UGT1A9: variants seen among roughly 807,000 people sequenced by gnomAD.
UGT1A9 encodes the protein UDP glucuronosyltransferase family 1 member A9.
A neutral mutation model predicts 45.0 loss-of-function variants in UGT1A9; 35 were observed. That is an observed-to-expected ratio of 0.78 (90% CI 0.59 to 1.03). The LOEUF (loss-of-function observed/expected upper bound fraction) is 1.03, where lower values mean the gene tolerates loss of function less well. Ranked by LOEUF, UGT1A9 falls within the 50% of genes least tolerant of loss-of-function variation. The pLI is 0.00. For missense variants in UGT1A9, 687 were observed against 666.6 expected (o/e 1.03, Z -0.34); for synonymous variants, 278 against 250.6 (o/e 1.11, Z -1.03).
chr2:233,713,925 T>C, intron 1 of UGT1A9: 1 of 1,612,092 alleles, frequency 6.2e-7, no homozygotes, highest in South Asian at 1.1e-5. Flanking sequence ...TGTATTTACT[T>C]ACAAGTGCTT....
chr2:233,767,427 G>A (rs1439996149), intron 2 of UGT1A9, among the ~76,000 whole-genome samples: 1 of 152,164 alleles, frequency 6.6e-6, no homozygotes, highest in Non-Finnish European at 1.5e-5. Context: ...GTGTATTAGG[G>A]AGAATTTATT....
chr2:233,746,532 C>T (rs1693419043), intron 1 of UGT1A9, among the ~76,000 whole-genome samples: 1 of 151,756 alleles, frequency 6.6e-6, no homozygotes, highest in South Asian at 2.1e-4. Context: ...CATATTGCTG[C>T]CCTGCTGTGT....
At chr2:233,715,057 T>G (rs1032772184) in intron 1 of UGT1A9, among the ~76,000 whole-genome samples, 3 of 152,140 alleles carry the variant, frequency 2.0e-5, no homozygotes, top group African/African-American at 2.4e-5. Context: ...TCTTTTTTTT[T>G]GTATTTTTTA....
At chr2:233,680,621 A>G (rs1005477495) in intron 1 of UGT1A9, among the ~76,000 whole-genome samples, 1 of 152,204 alleles carries the variant, frequency 6.6e-6, no homozygotes, top group Non-Finnish European at 1.5e-5. Context: ...ATTCAGCCCA[A>G]TGCAATGAGA....
intron 1 of UGT1A9, chr2:233,691,045 C>T (rs1175954453): frequency 1.0e-6 from 1 of 988,612 alleles, no homozygotes; most frequent in Non-Finnish European, 1.2e-6. Context: ...ACGTCCACAG[C>T]AGAGTGGAGG....
At chr2:233,748,774 G>A (rs2125894622) in intron 1 of UGT1A9, among the ~76,000 whole-genome samples, 2 of 151,474 alleles carry the variant, frequency 1.3e-5, no homozygotes, top group Middle Eastern at 6.8e-3. Flanking sequence ...AGGTCAATTG[G>A]GTCTTCTACT....
chr2:233,682,569 T>A, intron 1 of UGT1A9: 1 of 1,613,968 alleles, frequency 6.2e-7, no homozygotes, highest in South Asian at 1.1e-5. Flanking sequence ...TGGAACCACA[T>A]CATGCACTTG....
At chr2:233,725,591 T>G (rs1479177749) in intron 1 of UGT1A9, among the ~76,000 whole-genome samples, 1 of 152,130 alleles carries the variant, frequency 6.6e-6, no homozygotes, top group Non-Finnish European at 1.5e-5. Context: ...ACTTAACTAT[T>G]TGACATAGTT....
intron 1 of UGT1A9, among the ~76,000 whole-genome samples, chr2:233,749,662 A>G (rs1433200566): frequency 2.0e-5 from 3 of 151,858 alleles, no homozygotes; most frequent in African/African-American, 7.3e-5. Flanking sequence ...TGTAATCCCC[A>G]TAATCCCCAC....
At chr2:233,730,798 G>T (rs772379862) in intron 1 of UGT1A9, among the ~76,000 whole-genome samples, 4 of 152,122 alleles carry the variant, frequency 2.6e-5, no homozygotes, top group Non-Finnish European at 5.9e-5. Flanking sequence ...AGTGATGAAT[G>T]GACATGCGTC....
chr2:233,732,771 T>G (rs74968543), intron 1 of UGT1A9, among the ~76,000 whole-genome samples: 78 of 146,658 alleles, frequency 5.3e-4, no homozygotes, highest in Admixed American at 6.8e-5. Flanking sequence ...TTTTTTTTTT[T>G]GCTTAGGATT....
chr2:233,677,022 T>G (rs2074379355), intron 1 of UGT1A9, among the ~76,000 whole-genome samples: 1 of 152,140 alleles, frequency 6.6e-6, no homozygotes, highest in African/African-American at 2.4e-5. Flanking sequence ...TTGCTTTTGC[T>G]ATTGGAGGTC....
At chr2:233,741,540 A>G (rs1267633349) in intron 1 of UGT1A9, 14 of 152,000 alleles carry the variant, frequency 9.2e-5, no homozygotes. Context: ...TTATTCTGAT[A>G]CTTCTTTTAT....
At position 233,767,889 on chromosome 2, in the gene UGT1A9, C is replaced by A; in HGVS notation, c.1028C>A (p.Ala343Glu). The A allele has an allele frequency of 2.5e-6, 4 of 1,614,136 alleles. No individual in the cohort carries two copies. Among genetic ancestry groups the A allele is most frequent in the Non-Finnish European group, 3.4e-6 (4 of 1,180,034 alleles). ...ACTGGAACCCGACCATCGAATCTTG[C>A]GAACAACACGATACTTGTTAAGTGG... ...RYTGTRPSNLANNTILVKWLP... is the reference protein window; with the variant it reads ...RYTGTRPSNLENNTILVKWLP... Residue 343 changes from alanine (A) to glutamate (E), a missense_variant, in exon 3 of 5, where the codon GCG becomes GAG. Physicochemically the swap from Ala to Glu is moderately radical, Grantham distance 107. Transcript: ENST00000354728.
intron 1 of UGT1A9, among the ~76,000 whole-genome samples, chr2:233,681,504 C>G (rs1474706394): frequency 7.4e-6 from 1 of 134,450 alleles, no homozygotes; most frequent in Non-Finnish European, 1.5e-5. Flanking sequence ...GCACTCCAGC[C>G]TGGATGACAC....
chr2:233,680,884 G>A (rs896022242), intron 1 of UGT1A9, among the ~76,000 whole-genome samples: 1 of 151,970 alleles, frequency 6.6e-6, no homozygotes, highest in Non-Finnish European at 1.5e-5. Flanking sequence ...GCATAGGGAC[G>A]GCGACTCACC....
intron 1 of UGT1A9, among the ~76,000 whole-genome samples, chr2:233,718,542 G>C (rs2076661859): frequency 6.6e-6 from 1 of 152,234 alleles, no homozygotes. Flanking sequence ...GTTGGGAATT[G>C]AATGAGAAAG....
At chr2:233,687,583 TAAAAAAAAAAAAAA>T (rs71398794) in intron 1 of UGT1A9, among the ~76,000 whole-genome samples, 2,994 of 107,480 alleles carry the variant, frequency 0.028, 123 homozygotes, top group African/African-American at 0.095. Flanking sequence ...ACATTCTTTG[TAAAAAAAAAAAAAA>T]AAAAAAAAAA....
chr2:233,723,738 G>C (rs1448534034), intron 1 of UGT1A9, among the ~76,000 whole-genome samples: 1 of 75,272 alleles, frequency 1.3e-5, no homozygotes, highest in Non-Finnish European at 2.3e-5. Flanking sequence ...GACTCTTAAC[G>C]AGCATGCTGC....
Sources: gnomAD v4.1 joint callset for allele counts (sites outside exome capture counted in the v4.1 genomes callset) on GRCh38, gnomAD v4.1.1 for gene constraint, MANE v1.5 for transcripts, NCBI Gene and HGNC (gene_info 2026-07-23, HGNC 2026-07-21) for gene names.